TNIK: variants seen among roughly 807,000 people sequenced by gnomAD.
TNIK encodes TRAF2 and NCK interacting kinase.
Under a neutral mutation model 191.3 loss-of-function variants are expected in TNIK, and 49 were observed. The observed-to-expected ratio is 0.26, with a 90% CI of 0.20 to 0.32. The LOEUF is 0.32. Ranked by LOEUF, TNIK falls within the 10% of genes least tolerant of loss-of-function variation. TNIK has a pLI of 1.00. For synonymous variants in TNIK, 594 were observed against 600.9 expected, an observed-to-expected ratio of 0.99 and a Z score of 0.17; for missense variants, 1,155 against 1,702.3, an observed-to-expected ratio of 0.68 and a Z score of 5.66.
intron 2 of TNIK, among the ~76,000 whole-genome samples, chr3:171,291,723 T>A (rs1223915474): frequency 6.6e-6 from 1 of 152,224 alleles, no homozygotes; most frequent in East Asian, 1.9e-4. Context: ...GACATTTTTG[T>A]ATTTATCTTA....
intron 11 of TNIK, among the ~76,000 whole-genome samples, chr3:171,160,893 C>A (rs562227449): frequency 6.6e-6 from 1 of 152,156 alleles, no homozygotes; most frequent in African/African-American, 2.4e-5. Flanking sequence ...TGTGAAGTAA[C>A]GAACTGAATA....
chr3:171,094,048 T>A (rs748057569), intron 22 of TNIK, 80 bp from the exon 23 acceptor site: 16 of 1,492,878 alleles, frequency 1.1e-5, no homozygotes, highest in Non-Finnish European at 1.4e-5. Context: ...TTATTTTTGT[T>A]ATGGTAAAAT....
At chr3:171,298,371 A>T (rs978594741) in intron 2 of TNIK, among the ~76,000 whole-genome samples, 1 of 152,228 alleles carries the variant, frequency 6.6e-6, no homozygotes, top group East Asian at 1.9e-4. Context: ...ACTTAGCCAG[A>T]CTGATAGTTT....
At chr3:171,102,489 C>CT (rs1241832443) in intron 21 of TNIK, among the ~76,000 whole-genome samples, 2 of 152,122 alleles carry the variant, frequency 1.3e-5, no homozygotes, top group African/African-American at 4.8e-5. Flanking sequence ...ATCCGACTAC[C>CT]TTTTATTTTA....
chr3:171,064,901 T>C (rs920314759), intron 32 of TNIK, among the ~76,000 whole-genome samples: 1 of 152,212 alleles, frequency 6.6e-6, no homozygotes, highest in African/African-American at 2.4e-5. Flanking sequence ...TGGAAATGCT[T>C]GACATTCACC....
chr3:171,329,601 G>C (rs1756191867), intron 2 of TNIK, among the ~76,000 whole-genome samples: 1 of 152,130 alleles, frequency 6.6e-6, no homozygotes, highest in Non-Finnish European at 1.5e-5. Flanking sequence ...GTGCCCCACT[G>C]ATATTCTAAA....
intron 8 of TNIK, among the ~76,000 whole-genome samples, chr3:171,175,833 C>T (rs1208252675): frequency 1.3e-5 from 2 of 152,222 alleles, no homozygotes; most frequent in African/African-American, 4.8e-5. Context: ...CCCAGAGCCC[C>T]ATTTTCTCTG....
chr3:171,086,412 G>A (rs1212966355), intron 24 of TNIK, among the ~76,000 whole-genome samples: 1 of 152,176 alleles, frequency 6.6e-6, no homozygotes, highest in African/African-American at 2.4e-5. Flanking sequence ...TAGAGCTGGG[G>A]CAGCAGCAGA....
At chr3:171,418,806 G>A (rs1182961360) in intron 1 of TNIK, among the ~76,000 whole-genome samples, 1 of 152,130 alleles carries the variant, frequency 6.6e-6, no homozygotes, top group Non-Finnish European at 1.5e-5. Context: ...CTAATACCTG[G>A]TAGGTATTAG....
At chr3:171,238,481 A>G (rs1028715826) in intron 2 of TNIK, among the ~76,000 whole-genome samples, 11 of 152,056 alleles carry the variant, frequency 7.2e-5, no homozygotes, top group African/African-American at 2.4e-4. Flanking sequence ...CAGCGGGGCA[A>G]CTTTGCTTCC....
At chr3:171,443,642 C>T (rs1048214997) in intron 1 of TNIK, among the ~76,000 whole-genome samples, 1 of 150,852 alleles carries the variant, frequency 6.6e-6, no homozygotes, top group South Asian at 2.1e-4. Context: ...CATAGGGAGA[C>T]CCCCCATCTC....
chr3:171,459,848 A>C lies in TNIK; in HGVS notation c.57+159T>G, dbSNP rs566109685. Among the ~76,000 whole-genome samples, 6 of 151,946 alleles carry C rather than the reference A, an allele frequency of 3.9e-5. No homozygotes were observed. In the South Asian group the frequency reaches 1.3e-3, roughly 32 times the overall value. ...CTGCCGTAGGGGCTCAGCCAGGAGC[A>C]CCTCAGCAACCCCGAATCAAAACGG... On this transcript the variant is annotated intron_variant, in intron 1 of 32. Transcript: ENST00000436636.
chr3:171,321,369 C>T (rs73879531), intron 2 of TNIK, among the ~76,000 whole-genome samples: 7,167 of 151,932 alleles, frequency 0.047, 530 homozygotes, highest in African/African-American at 0.16. Context: ...AAAAGTAAAC[C>T]AAAATTGTCT....
intron 1 of TNIK, among the ~76,000 whole-genome samples, chr3:171,403,132 G>A (rs1029540711): frequency 6.6e-6 from 1 of 152,216 alleles, no homozygotes; most frequent in Non-Finnish European, 1.5e-5. Flanking sequence ...GGCAGGCCTA[G>A]GGCACAGATA....
At chr3:171,220,768 A>G (rs1185362997) in intron 3 of TNIK, among the ~76,000 whole-genome samples, 3 of 152,218 alleles carry the variant, frequency 2.0e-5, no homozygotes, top group Admixed American at 6.5e-5. Flanking sequence ...ACACAAATAA[A>G]AGGACCAGTG....
intron 18 of TNIK, among the ~76,000 whole-genome samples, chr3:171,118,747 T>C (rs1176233932): frequency 6.6e-6 from 1 of 152,170 alleles, no homozygotes; most frequent in Non-Finnish European, 1.5e-5. Context: ...TGTAGAAAGC[T>C]GAAACTGGAT....
chr3:171,161,694 G>A (rs918362697), intron 10 of TNIK, among the ~76,000 whole-genome samples: 13 of 152,124 alleles, frequency 8.5e-5, no homozygotes, highest in South Asian at 6.2e-4. Context: ...TGAGGCGGGC[G>A]GATCACAAGG....
intron 23 of TNIK, among the ~76,000 whole-genome samples, chr3:171,089,430 T>C (rs530788469): frequency 2.6e-5 from 4 of 152,306 alleles, no homozygotes; most frequent in Admixed American, 1.3e-4. Context: ...AACCTCTCTT[T>C]AGCATAAATC....
chr3:171,157,713 G>T, intron 11 of TNIK, 49 bp from the exon 12 acceptor site: 1 of 1,540,706 alleles, frequency 6.5e-7, no homozygotes, highest in South Asian at 1.2e-5. Flanking sequence ...CAGGGGCCAT[G>T]GCTACCAAGA....
Sources: gnomAD v4.1 joint callset for allele counts (sites outside exome capture counted in the v4.1 genomes callset) on GRCh38, gnomAD v4.1.1 for gene constraint, MANE v1.5 for transcripts, NCBI Gene and HGNC (gene_info 2026-07-23, HGNC 2026-07-21) for gene names.